FAM228B: variants seen among roughly 807,000 people sequenced by gnomAD.
FAM228B encodes the protein protein FAM228B.
A neutral mutation model predicts 42.6 loss-of-function variants in FAM228B; 38 were observed. That is an observed-to-expected ratio of 0.89 (90% CI 0.69 to 1.17). The LOEUF is 1.17. FAM228B is among the 50% of genes most tolerant of loss of function. FAM228B has a pLI of 0.00. For missense variants in FAM228B, 344 were observed against 367.3 expected, an observed-to-expected ratio of 0.94 and a Z score of 0.52; for synonymous variants, 109 against 122.3, an observed-to-expected ratio of 0.89 and a Z score of 0.72.
chr2:24,162,547 T>C (rs1667309950), intron 8 of FAM228B, among the ~76,000 whole-genome samples: 1 of 152,182 alleles, frequency 6.6e-6, no homozygotes, highest in Admixed American at 6.5e-5. Context: ...TAAATTATTA[T>C]GTGACCCAGA....
chr2:24,130,779 C>T (rs567632670), intron 2 of FAM228B, among the ~76,000 whole-genome samples: 5 of 152,068 alleles, frequency 3.3e-5, no homozygotes, highest in Non-Finnish European at 5.9e-5. Flanking sequence ...GTTTCTTTTG[C>T]TGTATAGAAG....
chr2:24,083,093 A>G (rs1665087245), intron 2 of FAM228B: 2 of 1,613,964 alleles, frequency 1.2e-6, no homozygotes, highest in Non-Finnish European at 1.7e-6. Flanking sequence ...CCACATGTCC[A>G]GATGCCTCAA....
chr2:24,109,798 G>T lies in FAM228B; in HGVS notation c.-121+14569G>T, dbSNP rs543512220. On this transcript the variant is annotated intron_variant, in intron 3 of 10. Coordinates refer to the FAM228B transcript ENST00000613899. ...TCAAAAAATAATAGATGTTGGCGAG[G>T]TTGTGGAGAAAAGAGAATGCTTATA... Among the ~76,000 whole-genome samples the T allele has an allele frequency of 4.6e-5, 7 of 152,330 alleles. No individual in the cohort carries two copies. In the South Asian group the frequency reaches 1.0e-3, roughly 23 times the overall value.
At chr2:24,098,775 C>T (rs1355364088) in intron 3 of FAM228B, among the ~76,000 whole-genome samples, 1 of 152,234 alleles carries the variant, frequency 6.6e-6, no homozygotes, top group East Asian at 1.9e-4. Context: ...CTCCCTAACT[C>T]ATTTCATGAG....
chr2:24,145,127 C>T (rs559748062), intron 5 of FAM228B, among the ~76,000 whole-genome samples: 9 of 152,288 alleles, frequency 5.9e-5, no homozygotes, highest in African/African-American at 1.4e-4. Flanking sequence ...CCTGGCCGAC[C>T]GCAGCCACTG....
chr2:24,129,395 G>A (rs888669469), intron 2 of FAM228B, among the ~76,000 whole-genome samples: 10 of 150,936 alleles, frequency 6.6e-5, no homozygotes, highest in African/African-American at 2.4e-4. Flanking sequence ...TTCTCATCCA[G>A]ACATTATTTT....
intron 2 of FAM228B, among the ~76,000 whole-genome samples, chr2:24,081,723 C>T (rs1336516983): frequency 2.7e-5 from 4 of 148,404 alleles, no homozygotes; most frequent in African/African-American, 7.4e-5. Flanking sequence ...GAGTCTCACT[C>T]TGTCACCCAG....
Position 24,077,831 on chromosome 2 carries a change from C to A in FAM228B, c.-290+862C>A. The A allele has an allele frequency of 6.6e-7, 1 of 1,520,826 alleles. No homozygotes were observed. Among genetic ancestry groups the A allele is most frequent in the South Asian group, 1.3e-5 (1 of 79,830 alleles). The allele number at this position is 1,520,826 out of a possible 1,614,324, so 94.2% of individuals were successfully genotyped here. A position where few individuals can be genotyped will look rare whatever the true frequency, so the allele number is the denominator to read the frequency against. Reference sequence around the variant, plus strand: ...ACCCTGCCCTCCTCATCCTCCTCAGCCTTCTTGCTCTCTCTGAAGCCACGT... The same window carrying A: ...ACCCTGCCCTCCTCATCCTCCTCAGACTTCTTGCTCTCTCTGAAGCCACGT... On this transcript the variant is annotated intron_variant, in intron 1 of 10. Transcript: ENST00000613899. The surrounding 1 kb of genome is among the most constrained non-coding windows in gnomAD (Gnocchi z 5.5).
intron 3 of FAM228B, among the ~76,000 whole-genome samples, chr2:24,114,596 C>T (rs1051444408): frequency 4.6e-5 from 7 of 152,062 alleles, no homozygotes; most frequent in Admixed American, 4.6e-4. Context: ...CTAGCTGAAC[C>T]AGAATTAAAT....
In FAM228B at chr2:24,080,654, C is replaced by T; in HGVS notation, c.-289-222C>T. ...CCATCTTAGATTTAAATATGACTGCCTGTCTCCAGTGGTCAAATACCATAG... is the reference window on the plus strand; with the variant it reads ...CCATCTTAGATTTAAATATGACTGCTTGTCTCCAGTGGTCAAATACCATAG... On this transcript the variant is annotated intron_variant, in intron 1 of 10. Transcript: ENST00000613899. This position sits in a 1 kb window ranked among gnomAD's most constrained non-coding sequence, Gnocchi z 4.7. 2.7e-6 allele frequency: 2 copies of T among 733,428 alleles called. No individual in the cohort carries two copies. The highest frequency in any genetic ancestry group is 3.4e-5 in the South Asian group (2 of 58,096). 45.4% of individuals were successfully genotyped at this position (733,428 alleles called of 1,614,324 possible).
chr2:24,141,734 G>A (rs1666753597), intron 5 of FAM228B, among the ~76,000 whole-genome samples: 1 of 152,160 alleles, frequency 6.6e-6, no homozygotes, highest in Non-Finnish European at 1.5e-5. Context: ...TTTTAGAGAG[G>A]TTTTGTTAGA....
intron 4 of FAM228B, among the ~76,000 whole-genome samples, chr2:24,138,334 GTTA>G (rs1395256889): frequency 6.6e-6 from 1 of 151,902 alleles, no homozygotes. Context: ...TCCCCATGTG[GTTA>G]TTATTATTAT....
intron 2 of FAM228B, among the ~76,000 whole-genome samples, chr2:24,091,428 C>T (rs952078961): frequency 1.3e-5 from 2 of 152,114 alleles, no homozygotes; most frequent in Admixed American, 1.3e-4. Flanking sequence ...GAGATTCCGT[C>T]TCAAAACAAA....
intron 7 of FAM228B, among the ~76,000 whole-genome samples, chr2:24,152,429 G>A (rs1376345609): frequency 1.3e-5 from 2 of 152,098 alleles, no homozygotes; most frequent in African/African-American, 4.8e-5. Flanking sequence ...GTTAGGTAAT[G>A]TAGTCTTTAC....
intron 2 of FAM228B, among the ~76,000 whole-genome samples, chr2:24,081,408 A>G (rs1316969568): frequency 6.6e-6 from 1 of 152,160 alleles, no homozygotes; most frequent in Non-Finnish European, 1.5e-5. Context: ...TACCATTCCC[A>G]TGGTCACCAC....
At chr2:24,162,116 A>C (rs1667301277) in intron 8 of FAM228B, among the ~76,000 whole-genome samples, 1 of 151,970 alleles carries the variant, frequency 6.6e-6, no homozygotes, top group Non-Finnish European at 1.5e-5. Flanking sequence ...AACAAACAAA[A>C]AAACCAAACA....
intron 3 of FAM228B, among the ~76,000 whole-genome samples, chr2:24,113,879 A>T (rs555315599): frequency 1.3e-5 from 2 of 152,290 alleles, no homozygotes; most frequent in South Asian, 4.1e-4. Flanking sequence ...CTCTGTCTCA[A>T]AACAAACAAC....
intron 9 of FAM228B, chr2:24,165,275 A>T: frequency 2.3e-6 from 1 of 441,482 alleles, no homozygotes; most frequent in Non-Finnish European, 4.7e-6. Context: ...ACTCCTCATG[A>T]GGCCAACTCA....
At chr2:24,152,738 G>T (rs1278475074) in intron 7 of FAM228B, among the ~76,000 whole-genome samples, 4 of 152,220 alleles carry the variant, frequency 2.6e-5, no homozygotes, top group Non-Finnish European at 4.4e-5. Context: ...AAGACGTCTA[G>T]TATAGCACCG....
Sources: allele counts gnomAD v4.1 joint callset (sites outside exome capture counted in the v4.1 genomes callset), GRCh38; gene constraint gnomAD v4.1.1; non-coding constraint Gnocchi (gnomAD v3.1); transcripts MANE v1.5; gene names NCBI Gene and HGNC (gene_info 2026-07-23, HGNC 2026-07-21).